VGLL4: variants seen among roughly 807,000 people sequenced by gnomAD.
VGLL4 encodes the protein vestigial like family member 4.
A neutral mutation model predicts 21.0 loss-of-function variants in VGLL4; 7 were observed. The observed-to-expected ratio is 0.33, with a 90% CI of 0.19 to 0.63. The LOEUF (loss-of-function observed/expected upper bound fraction) is 0.63. VGLL4 is among the 20% of genes least tolerant of loss of function. The pLI, the probability that VGLL4 is intolerant of heterozygous loss-of-function variation, is 0.78. For synonymous variants in VGLL4, 222 were observed against 173.2 expected (o/e 1.28, Z -2.21); for missense variants, 394 against 425.7 (o/e 0.93, Z 0.66).
chr3:11,570,736 T>C (rs777094543), intron 2 of VGLL4, among the ~76,000 whole-genome samples: 14 of 152,278 alleles, frequency 9.2e-5, no homozygotes, highest in Non-Finnish European at 1.6e-4. Flanking sequence ...GCATAAACAG[T>C]GGTGAGATGT....
chr3:11,561,318 G>C (rs1244691557), intron 3 of VGLL4, among the ~76,000 whole-genome samples: 3 of 152,018 alleles, frequency 2.0e-5, no homozygotes, highest in Non-Finnish European at 4.4e-5. Flanking sequence ...AGGCAGGAAA[G>C]GCCACTTCAG....
intron 2 of VGLL4, among the ~76,000 whole-genome samples, chr3:11,689,985 G>GCTCTCT (rs1340203593): frequency 6.6e-6 from 1 of 152,158 alleles, no homozygotes; most frequent in African/African-American, 2.4e-5. Context: ...CTGACACTCT[G>GCTCTCT]CTCGGCTTCT....
chr3:11,615,782 A>G (rs189541920), intron 1 of VGLL4, among the ~76,000 whole-genome samples: 217 of 152,324 alleles, frequency 1.4e-3, no homozygotes, highest in African/African-American at 5.0e-3. Flanking sequence ...CACAAGTCCA[A>G]CTGGGGACAC....
At chr3:11,695,871 T>C (rs560900668) in intron 2 of VGLL4, among the ~76,000 whole-genome samples, 2 of 151,970 alleles carry the variant, frequency 1.3e-5, no homozygotes, top group African/African-American at 4.8e-5. Flanking sequence ...CTCCAAACTA[T>C]CCGAAATGAT....
intron 1 of VGLL4, among the ~76,000 whole-genome samples, chr3:11,622,741 G>A (rs2075287561): frequency 6.6e-6 from 1 of 152,204 alleles, no homozygotes; most frequent in African/African-American, 2.4e-5. Flanking sequence ...TTAACCTTTA[G>A]GGTGTAGCTC....
intron 1 of VGLL4, among the ~76,000 whole-genome samples, chr3:11,602,988 T>G (rs1230338972): frequency 6.6e-6 from 1 of 152,234 alleles, no homozygotes; most frequent in East Asian, 1.9e-4. Context: ...CTCTCGGACC[T>G]GACCAATTTT....
upstream of VGLL4, among the ~76,000 whole-genome samples, chr3:11,646,782 G>A (rs1189619208): frequency 6.6e-6 from 1 of 152,152 alleles, no homozygotes; most frequent in African/African-American, 2.4e-5. Flanking sequence ...GGTCTACCTT[G>A]ACTATTGTAA....
At chr3:11,685,095 T>C (rs144099607) in intron 2 of VGLL4, among the ~76,000 whole-genome samples, 47 of 152,306 alleles carry the variant, frequency 3.1e-4, no homozygotes, top group African/African-American at 8.4e-4. Flanking sequence ...TGGTTTTTTG[T>C]TCCTGCGTTA....
At chr3:11,693,118 C>T (rs1356160420) in intron 2 of VGLL4, 2 of 213,722 alleles carry the variant, frequency 9.4e-6, no homozygotes, top group Non-Finnish European at 2.0e-5. Context: ...TTGCAGTGAG[C>T]CAAGATTGTG....
chr3:11,709,659 G>T (rs761171756), intron 1 of VGLL4, among the ~76,000 whole-genome samples: 2 of 151,476 alleles, frequency 1.3e-5, no homozygotes, highest in South Asian at 2.1e-4. Flanking sequence ...CACTCCCTTA[G>T]CCTCAATTCA....
At chr3:11,613,949 G>C (rs1264420474) in intron 1 of VGLL4, among the ~76,000 whole-genome samples, 1 of 152,210 alleles carries the variant, frequency 6.6e-6, no homozygotes, top group Non-Finnish European at 1.5e-5. Context: ...CCAAGAGCCT[G>C]GGTGAGTGGG....
chr3:11,647,382 TACGATCCCATCCTACCATC>T (rs531253401), upstream of VGLL4, among the ~76,000 whole-genome samples: 742 of 152,276 alleles, frequency 4.9e-3, 6 homozygotes, highest in African/African-American at 0.017. Flanking sequence ...GAAATCTCCC[TACGATCCCATCCTACCATC>T]TCCTCACACC....
At chr3:11,687,186 T>A (rs2076461149) in intron 2 of VGLL4, among the ~76,000 whole-genome samples, 1 of 152,172 alleles carries the variant, frequency 6.6e-6, no homozygotes, top group South Asian at 2.1e-4. Context: ...TCTTTCAAAA[T>A]TTTTCAGGTA....
At chr3:11,694,661 T>C (rs1473639716) in intron 2 of VGLL4, among the ~76,000 whole-genome samples, 1 of 151,756 alleles carries the variant, frequency 6.6e-6, no homozygotes, top group African/African-American at 2.4e-5. Flanking sequence ...ACCCAATATA[T>C]AACTGAGGCA....
chr3:11,596,621 A>G (rs2074651122), intron 2 of VGLL4, among the ~76,000 whole-genome samples: 1 of 152,194 alleles, frequency 6.6e-6, no homozygotes, highest in Admixed American at 6.5e-5. Flanking sequence ...AGGATCTAGA[A>G]ACAGCACTGT....
At chr3:11,694,639 G>T (rs961496641) in intron 2 of VGLL4, among the ~76,000 whole-genome samples, 2 of 151,510 alleles carry the variant, frequency 1.3e-5, no homozygotes, top group African/African-American at 2.4e-5. Context: ...AAAGAAAAAA[G>T]GACAGAGACA....
chr3:11,610,673 G>C (rs974346471), intron 1 of VGLL4: 1 of 152,254 alleles, frequency 6.6e-6, no homozygotes, highest in Non-Finnish European at 1.5e-5. Context: ...TGTGTTGAGA[G>C]AGTACAGCCT....
chr3:11,561,471 C>T (rs1323961629), intron 3 of VGLL4, among the ~76,000 whole-genome samples: 1 of 152,144 alleles, frequency 6.6e-6, no homozygotes, highest in African/African-American at 2.4e-5. Flanking sequence ...TCTGGGCATC[C>T]TCTCCTCCTC....
At chr3:11,689,498 T>C (rs2076496961) in intron 2 of VGLL4, among the ~76,000 whole-genome samples, 1 of 152,232 alleles carries the variant, frequency 6.6e-6, no homozygotes, top group Admixed American at 6.5e-5. Context: ...AAAGATCTTT[T>C]TTCACAACAG....
Sources: gnomAD v4.1 joint callset for allele counts (sites outside exome capture counted in the v4.1 genomes callset) on GRCh38, gnomAD v4.1.1 for gene constraint, MANE v1.5 for transcripts, NCBI Gene and HGNC (gene_info 2026-07-23, HGNC 2026-07-21) for gene names.